The following ELAPOR1 variants were observed in gnomAD, a reference collection of about 807,000 sequenced individuals.
ELAPOR1 encodes endosome-lysosome associated apoptosis and autophagy regulator 1.
Under a neutral mutation model 119.7 loss-of-function variants are expected in ELAPOR1, and 77 were observed. The ratio of observed to expected loss-of-function variants is 0.64; its 90% CI spans 0.54 to 0.78. The LOEUF (loss-of-function observed/expected upper bound fraction) is 0.78, where lower values mean the gene tolerates loss of function less well. ELAPOR1 is among the 30% of genes least tolerant of loss of function. The pLI, the probability that ELAPOR1 is intolerant of heterozygous loss-of-function variation, is 0.00. For synonymous variants in ELAPOR1, 481 were observed against 487.2 expected (o/e 0.99, Z 0.17); for missense variants, 1,115 against 1,270.4 (o/e 0.88, Z 1.86).
At chr1:109,137,316 G>T (rs1649535419) in intron 1 of ELAPOR1, among the ~76,000 whole-genome samples, 1 of 151,634 alleles carries the variant, frequency 6.6e-6, no homozygotes, top group African/African-American at 2.4e-5. Flanking sequence ...GGATTTTCCT[G>T]CCTCAGCCTC....
At chr1:109,202,827 G>A (rs1273897725) in intron 21 of ELAPOR1, 117 bp from the exon 22 acceptor site, 11 of 930,144 alleles carry the variant, frequency 1.2e-5, no homozygotes, top group Non-Finnish European at 2.0e-5. Context: ...TTTCCACAAA[G>A]CCACTGAAAC....
chr1:109,199,810 C>T lies in ELAPOR1; in HGVS notation c.2502-44C>T, dbSNP rs551083066. 24 of 1,600,352 alleles carry T rather than the reference C, an allele frequency of 1.5e-5. No homozygotes were observed. The South Asian group carries it at 2.4e-4, about 16-fold the overall frequency. On this transcript the variant is annotated intron_variant, in intron 18 of 21. Coordinates refer to ENST00000369939, the MANE Select transcript of ELAPOR1 (RefSeq NM_020775.5). ...AGGCTTCCAACCAGATCTTCCCCAC[C>T]CCTCCAGCGAGTGAGAGCTCAGGTC...
At chr1:109,194,254 C>T (rs1653633579) in intron 14 of ELAPOR1, among the ~76,000 whole-genome samples, 167 bp from the exon 15 acceptor site, 1 of 152,182 alleles carries the variant, frequency 6.6e-6, no homozygotes, top group Non-Finnish European at 1.5e-5. Flanking sequence ...GTACATAAAT[C>T]CCACTAGTGC....
intron 2 of ELAPOR1, 97 bp downstream of exon 2, chr1:109,162,111 G>A (rs1651304918): frequency 2.2e-6 from 3 of 1,352,098 alleles, no homozygotes; most frequent in Admixed American, 2.0e-5. Context: ...TGGCAGAGCA[G>A]CTGCATTAAG....
intron 1 of ELAPOR1, among the ~76,000 whole-genome samples, chr1:109,155,832 A>G (rs1002864612): frequency 1.3e-5 from 2 of 152,136 alleles, no homozygotes; most frequent in Non-Finnish European, 2.9e-5. Context: ...AGTTTGGCCA[A>G]TCATTTGGAT....
intron 3 of ELAPOR1, 91 bp downstream of exon 3, chr1:109,164,782 C>A (rs1356750203): frequency 1.7e-5 from 22 of 1,289,994 alleles, no homozygotes; most frequent in Non-Finnish European, 4.3e-6. Flanking sequence ...GCCCCTCAGG[C>A]TGGGCAGGGA....
chr1:109,117,169 G>A (rs1276525058), intron 1 of ELAPOR1, among the ~76,000 whole-genome samples: 2 of 152,318 alleles, frequency 1.3e-5, no homozygotes, highest in Admixed American at 6.5e-5. Context: ...TTAGCTTGAG[G>A]CCTAAACTGA....
chr1:109,176,205 G>C (rs180744287), intron 7 of ELAPOR1, among the ~76,000 whole-genome samples: 3 of 152,124 alleles, frequency 2.0e-5, no homozygotes, highest in Non-Finnish European at 4.4e-5. Context: ...GGAGTTCCAG[G>C]GGGTATCGAG....
intron 1 of ELAPOR1, among the ~76,000 whole-genome samples, chr1:109,115,279 A>G (rs111881800): frequency 0.018 from 2,747 of 152,238 alleles, 90 homozygotes; most frequent in African/African-American, 0.062. Flanking sequence ...ATTTACAAGA[A>G]CTACGTTGGG....
rs1433592393 is a variant in ELAPOR1 at position 109,203,847 on chromosome 1, T to C, written c.*835T>C. On this transcript the variant is annotated 3_prime_UTR_variant, in exon 22 of 22. Transcript: ENST00000369939. ...GCCGAGATCGCGCCACTGCACTCCA[T>C]CCAGCCTGGGTGACAGAGTGAGACT... The C allele has an allele frequency of 7.5e-6, 1 of 134,126 alleles. No homozygotes were observed. Among genetic ancestry groups the C allele is most frequent in the African/African-American group, 2.9e-5 (1 of 34,440 alleles). The allele number at this position is 134,126 out of a possible 1,614,324, so 8.3% of individuals were successfully genotyped here. A position where few individuals can be genotyped will look rare whatever the true frequency, so the allele number is the denominator to read the frequency against.
chr1:109,193,089 G>C (rs1455143999), intron 14 of ELAPOR1, among the ~76,000 whole-genome samples: 1 of 152,060 alleles, frequency 6.6e-6, no homozygotes, highest in African/African-American at 2.4e-5. Context: ...TCACTGACAA[G>C]TCTCCTCTTT....
chr1:109,140,144 A>C (rs2100997060), intron 1 of ELAPOR1, among the ~76,000 whole-genome samples: 1 of 151,118 alleles, frequency 6.6e-6, no homozygotes, highest in Non-Finnish European at 1.5e-5. Flanking sequence ...CCAATGTGGT[A>C]TATAACTTAT....
chr1:109,163,615 C>T (rs974924028), intron 2 of ELAPOR1, among the ~76,000 whole-genome samples: 3 of 151,676 alleles, frequency 2.0e-5, no homozygotes, highest in African/African-American at 4.8e-5. Flanking sequence ...CCCAGGTTGG[C>T]CTCAAACTCC....
At chr1:109,151,786 G>A (rs1273029232) in intron 1 of ELAPOR1, among the ~76,000 whole-genome samples, 1 of 151,922 alleles carries the variant, frequency 6.6e-6, no homozygotes, top group African/African-American at 2.4e-5. Context: ...TCCAGGCAAA[G>A]AAGCATTTGT....
rs903156751 is a variant in ELAPOR1, at chr1:109,194,404, G to A, written c.1948-17G>A. ...CCTTCCTGACCAGCTGGCCCGACCC[G>A]TCCCTCTCCCCCTCAGATCCACTCT... On this transcript the variant is annotated splice_polypyrimidine_tract_variant and intron_variant, in intron 14 of 21. Coordinates refer to ENST00000369939, the MANE Select transcript of ELAPOR1 (RefSeq NM_020775.5). 17 of 1,611,120 alleles carry A rather than the reference G, an allele frequency of 1.1e-5. No individual in the cohort carries two copies. Among genetic ancestry groups the A allele is most frequent in the African/African-American group, 5.3e-5 (4 of 74,890 alleles).
Position 109,200,730 on chromosome 1 carries a change from T to C in ELAPOR1, c.2808-5T>C. The C allele has an allele frequency of 6.2e-7, 1 of 1,612,172 alleles. No individual in the cohort carries two copies. Among genetic ancestry groups the C allele is most frequent in the South Asian group, 1.1e-5 (1 of 90,862 alleles). ...TCTTGTCTTTCCCATCCTCCTGTTT[T>C]ATAGACTAGAGTACAAGTACTCCAA... On this transcript the variant is annotated splice_region_variant and splice_polypyrimidine_tract_variant and intron_variant, in intron 20 of 21. Transcript: ENST00000369939.
intron 2 of ELAPOR1, among the ~76,000 whole-genome samples, chr1:109,163,768 G>A (rs572115865): frequency 6.6e-5 from 10 of 152,276 alleles, no homozygotes; most frequent in African/African-American, 2.4e-4. Flanking sequence ...TAGTTAGGAG[G>A]ATATTGCAAT....
intron 3 of ELAPOR1, among the ~76,000 whole-genome samples, chr1:109,166,654 C>T (rs1456331761): frequency 2.6e-5 from 4 of 152,114 alleles, no homozygotes; most frequent in African/African-American, 7.2e-5. Flanking sequence ...GGTTTACAGC[C>T]GGCGAGATTG....
At chr1:109,154,901 T>C (rs1267845716) in intron 1 of ELAPOR1, among the ~76,000 whole-genome samples, 3 of 152,166 alleles carry the variant, frequency 2.0e-5, no homozygotes, top group South Asian at 2.1e-4. Context: ...GTTAGAGATG[T>C]GTTACTGTCT....
Sources: gnomAD v4.1 joint callset for allele counts (sites outside exome capture counted in the v4.1 genomes callset) on GRCh38, gnomAD v4.1.1 for gene constraint, MANE v1.5 for transcripts, NCBI Gene and HGNC (gene_info 2026-07-23, HGNC 2026-07-21) for gene names.